Variants in MAP7D1 observed in about 807,000 individuals in gnomAD.
MAP7D1 encodes MAP7 domain-containing protein 1.
Under a neutral mutation model 97.5 loss-of-function variants are expected in MAP7D1, and 30 were observed. The ratio of observed to expected loss-of-function variants is 0.31; its 90% CI spans 0.23 to 0.42. The LOEUF is 0.42. MAP7D1 is among the 10% of genes least tolerant of loss of function. The pLI, the probability that MAP7D1 is intolerant of heterozygous loss-of-function variation, is 1.00. For missense variants in MAP7D1, 1,184 were observed against 1,179.5 expected (o/e 1.00, Z -0.06); for synonymous variants, 536 against 477.1 (o/e 1.12, Z -1.61).
At position 36,162,000 on chromosome 1, in the gene MAP7D1, G is replaced by C. The variant is rs532441617; in HGVS notation, c.46+5537G>C. ...GTCTGTCTCTGTTGTGTGCACGTCT[G>C]TCTCCCATGTGTCTCTGCCCTCTGC... On this transcript the variant is annotated intron_variant, in intron 1 of 16. Transcript: ENST00000474796. 2.0e-5 allele frequency among the ~76,000 whole-genome samples: 3 copies of C among 152,108 alleles called. No individual in the cohort carries two copies. The East Asian group carries it at 5.8e-4, about 29-fold the overall frequency.
At chr1:36,164,687 T>C (rs1415944196) in intron 1 of MAP7D1, among the ~76,000 whole-genome samples, 1 of 152,166 alleles carries the variant, frequency 6.6e-6, no homozygotes, top group Non-Finnish European at 1.5e-5. Flanking sequence ...TATACTATTA[T>C]ACTGGACTAG....
In MAP7D1 at chr1:36,178,593, A is replaced by G; in HGVS notation, c.1883A>G (p.Asp628Gly). Residue 628 changes from aspartate (D) to glycine (G), a missense_variant, in exon 10 of 17, where the codon GAC becomes GGC. By Grantham distance (94) the Asp-to-Gly change is moderately conservative. Coordinates refer to ENST00000474796, the MANE Select transcript of MAP7D1 (RefSeq NM_001388490.1). ...GAGCGGAGGCTGCAGGCAGAAAGGG[A>G]CAAGTGAGTGCGCCTCGGGGACTGA... ...EQERRLQAER[D>G]KRMREEQLAR... The G allele has an allele frequency of 6.3e-7, 1 of 1,579,194 alleles. No homozygotes were observed. The highest frequency in any genetic ancestry group is 1.1e-5 in the South Asian group (1 of 87,662).
In MAP7D1 at chr1:36,179,735, T is replaced by C. The variant is rs1644689816; in HGVS notation, c.2297T>C (p.Ile766Thr). 2.6e-6 allele frequency: 4 copies of C among 1,520,764 alleles called. No individual in the cohort carries two copies. In the East Asian group the frequency reaches 9.2e-5, roughly 35 times the overall value. 94.2% of individuals were successfully genotyped at this position (1,520,764 alleles called of 1,614,324 possible). ...QKEAVQKEEPIPQEPQWSLPS... is the reference protein window; with the variant it reads ...QKEAVQKEEPTPQEPQWSLPS... The stretch of plus-strand genomic sequence containing the variant: ...GAGGCTGTGCAGAAAGAGGAGCCCA[T>C]CCCACAGGAGCCTCAGTGGAGGTAC... Residue 766 changes from isoleucine to threonine, a missense_variant, in exon 15 of 17, where the codon ATC becomes ACC. Transcript: ENST00000474796.
At chr1:36,177,829 GGT>G (rs772459167) in intron 8 of MAP7D1, 42 bp from the exon 9 acceptor site, 24 of 1,520,986 alleles carry the variant, frequency 1.6e-5, no homozygotes, top group East Asian at 6.8e-5. Flanking sequence ...TCAGCGTGTG[GGT>G]GTGTGTGTCT....
chr1:36,175,559 A>C (rs1644606628), intron 6 of MAP7D1, among the ~76,000 whole-genome samples: 1 of 152,228 alleles, frequency 6.6e-6, no homozygotes, highest in Admixed American at 6.5e-5. Context: ...CCTGGTGCTC[A>C]TATGTGAAGG....
chr1:36,174,343 T>C (rs1351957863), intron 5 of MAP7D1, among the ~76,000 whole-genome samples: 2 of 152,218 alleles, frequency 1.3e-5, no homozygotes, highest in African/African-American at 4.8e-5. Context: ...TATCTGTTAG[T>C]GTTTGTGTCT....
In MAP7D1 at chr1:36,176,502, C is replaced by T. The variant is rs1167470453; in HGVS notation, c.1154C>T (p.Ala385Val). 4 of 1,377,670 alleles carry T rather than the reference C, an allele frequency of 2.9e-6. No individual in the cohort carries two copies. The highest frequency in any genetic ancestry group is 3.7e-6 in the Non-Finnish European group (4 of 1,066,972). 85.3% of individuals were successfully genotyped at this position (1,377,670 alleles called of 1,614,324 possible). A position where few individuals can be genotyped will look rare whatever the true frequency, so the allele number is the denominator to read the frequency against. ...CGAAGCGTGCACCGCTGCGCCCCCG[C>T]CGGTGAGCGCGGGGAGCGCCGCAAG... is the stretch of plus-strand genomic sequence containing the variant. ...VTRSVHRCAP[A>V]GERGERRKPN... Residue 385 changes from alanine (A) to valine (V), a missense_variant, in exon 7 of 17, where the codon GCC (alanine) becomes GTC (valine). Transcript: ENST00000474796. This position sits in a 1 kb window ranked among gnomAD's most constrained non-coding sequence, Gnocchi z 6.1.
At position 36,180,476 on chromosome 1, in the gene MAP7D1, A is replaced by G; in HGVS notation, c.*218A>G. The stretch of plus-strand genomic sequence containing the variant: ...CATTCGTGTGCTCGCACGCGCAGAC[A>G]TCCCTTCTCCCCCATACACACATAT... On this transcript the variant is annotated 3_prime_UTR_variant, in exon 17 of 17. Coordinates refer to ENST00000474796, the MANE Select transcript of MAP7D1 (RefSeq NM_001388490.1). 1 of 625,534 alleles carries G rather than the reference A, an allele frequency of 1.6e-6. No individual in the cohort carries two copies. Among genetic ancestry groups the G allele is most frequent in the South Asian group, 1.9e-5 (1 of 53,724 alleles). The allele number at this position is 625,534 out of a possible 1,614,324, so 38.7% of individuals were successfully genotyped here. A position where few individuals can be genotyped will look rare whatever the true frequency, so the allele number is the denominator to read the frequency against.
At chr1:36,167,836 G>A (rs1644491813) in intron 1 of MAP7D1, among the ~76,000 whole-genome samples, 1 of 152,204 alleles carries the variant, frequency 6.6e-6, no homozygotes, top group Admixed American at 6.5e-5. Flanking sequence ...CTTGCCTGGT[G>A]GGTGTGATTT....
chr1:36,166,223 A>T (rs1644472810), intron 1 of MAP7D1, among the ~76,000 whole-genome samples: 1 of 152,096 alleles, frequency 6.6e-6, no homozygotes, highest in African/African-American at 2.4e-5. Flanking sequence ...CAACACCCTT[A>T]AGGGACAGTG....
At chr1:36,175,104 C>T in intron 6 of MAP7D1, 96 bp downstream of exon 6, 1 of 727,488 alleles carries the variant, frequency 1.4e-6, no homozygotes, top group Non-Finnish European at 2.2e-6. Context: ...CCCTGGAGCC[C>T]TCACATACTC....
rs772223023 is a variant in MAP7D1 at position 36,179,777 on chromosome 1, G to A, written c.2318+21G>A. ...TGGAGGTACCAGCTTCCAATCCCAG[G>A]GTCCCTGAGCAGGGAGGCAGACTGC... On this transcript the variant is annotated intron_variant, in intron 15 of 16. Transcript: ENST00000474796. 2.6e-5 allele frequency: 40 copies of A among 1,539,700 alleles called. No individual in the cohort carries two copies. In the South Asian group the frequency reaches 4.8e-4, roughly 19 times the overall value.
Position 36,176,393 on chromosome 1 carries a change from C to G in MAP7D1, c.1045C>G (p.Pro349Ala), listed in dbSNP as rs1644621889. ...AGASLARGPQ[P>A]DRTHPSAAVP... ...GGCCAGCCTGGCGCGCGGGCCGCAACCCGACCGCACTCATCCCTCTGCAGC... is the reference window on the plus strand; with the variant it reads ...GGCCAGCCTGGCGCGCGGGCCGCAAGCCGACCGCACTCATCCCTCTGCAGC... The change falls in exon 7 of 17, where the codon CCC (proline) becomes GCC (alanine). Residue 349 changes from proline to alanine, a missense_variant. Physicochemically the swap from Pro to Ala is conservative, Grantham distance 27 (BLOSUM62 -1). Transcript: ENST00000474796. This position sits in a 1 kb window ranked among gnomAD's most constrained non-coding sequence, Gnocchi z 6.1. 2 of 1,528,196 alleles carry G rather than the reference C, an allele frequency of 1.3e-6. No homozygotes were observed. Among genetic ancestry groups the G allele is most frequent in the Non-Finnish European group, 8.7e-7 (1 of 1,144,528 alleles). 94.7% of individuals were successfully genotyped at this position (1,528,196 alleles called of 1,614,324 possible). A position where few individuals can be genotyped will look rare whatever the true frequency, so the allele number is the denominator to read the frequency against.
At chr1:36,169,090 A>G (rs1261494563) in intron 1 of MAP7D1, among the ~76,000 whole-genome samples, 1 of 151,918 alleles carries the variant, frequency 6.6e-6, no homozygotes, top group Admixed American at 6.6e-5. Flanking sequence ...CGTCTCTACT[A>G]AAAATACAAA....
At chr1:36,163,978 C>G (rs921256123) in intron 1 of MAP7D1, among the ~76,000 whole-genome samples, 3 of 151,934 alleles carry the variant, frequency 2.0e-5, no homozygotes, top group South Asian at 2.1e-4. Flanking sequence ...GTGTGCACAA[C>G]CACGCCCAGC....
intron 1 of MAP7D1, among the ~76,000 whole-genome samples, chr1:36,168,973 C>T (rs1007306564): frequency 3.3e-5 from 5 of 152,128 alleles, no homozygotes; most frequent in South Asian, 2.1e-4. Context: ...CATATAAGGC[C>T]GGGTGCAGTG....
At chr1:36,166,772 CTT>C (rs1644479960) in intron 1 of MAP7D1, among the ~76,000 whole-genome samples, 1 of 152,142 alleles carries the variant, frequency 6.6e-6, no homozygotes, top group Admixed American at 6.5e-5. Flanking sequence ...AGCAGGGAGT[CTT>C]TTATCAGAGC....
Position 36,176,361 on chromosome 1 carries a change from G to C in MAP7D1, c.1013G>C (p.Arg338Pro), listed in dbSNP as rs1270944461. ...CDPGRGPTWGRAGASLARGPQ... is the reference protein window; with the variant it reads ...CDPGRGPTWGPAGASLARGPQ... ...CCTGGGAGAGGCCCCACGTGGGGCC[G>C]GGCAGGGGCCAGCCTGGCGCGCGGG... The change falls in exon 7 of 17, where the codon CGG (arginine) becomes CCG (proline). Residue 338 changes from arginine (R) to proline (P), a missense_variant. Coordinates refer to ENST00000474796, the MANE Select transcript of MAP7D1 (RefSeq NM_001388490.1). The surrounding 1 kb of genome is among the most constrained non-coding windows in gnomAD (Gnocchi z 6.1). 2.0e-6 allele frequency: 3 copies of C among 1,525,498 alleles called. No homozygotes were observed. The highest frequency in any genetic ancestry group is 2.8e-5 in the African/African-American group (2 of 71,170). 94.5% of individuals were successfully genotyped at this position (1,525,498 alleles called of 1,614,324 possible).
intron 3 of MAP7D1, chr1:36,171,853 G>A (rs1486946473): frequency 4.4e-6 from 1 of 228,720 alleles, no homozygotes; most frequent in Non-Finnish European, 8.6e-6. Flanking sequence ...AGAACTGCTT[G>A]AACCTGGGAG....
Sources: allele counts gnomAD v4.1 joint callset (sites outside exome capture counted in the v4.1 genomes callset), GRCh38; gene constraint gnomAD v4.1.1; non-coding constraint Gnocchi (gnomAD v3.1); transcripts MANE v1.5; gene names NCBI Gene and HGNC (gene_info 2026-07-23, HGNC 2026-07-21).